MEMO1: variants seen among roughly 807,000 people sequenced by gnomAD.
MEMO1 encodes protein MEMO1.
A neutral mutation model predicts 45.2 loss-of-function variants in MEMO1; 6 were observed. The ratio of observed to expected loss-of-function variants is 0.13; its 90% confidence interval spans 0.07 to 0.26. The LOEUF (loss-of-function observed/expected upper bound fraction) is 0.26, where lower values mean the gene tolerates loss of function less well. Ranked by LOEUF, MEMO1 falls within the 10% of genes least tolerant of loss-of-function variation. The probability of loss-of-function intolerance (pLI) is 1.00; values close to 1 mark genes in which losing one functional copy is unlikely to be tolerated. For synonymous variants in MEMO1, 78 were observed against 124.3 expected, an observed-to-expected ratio of 0.63 and a Z score of 2.48; for missense variants, 184 against 370.5, an observed-to-expected ratio of 0.50 and a Z score of 4.13.
intron 6 of MEMO1, among the ~76,000 whole-genome samples, chr2:31,916,728 T>C (rs1471379883): frequency 6.6e-6 from 1 of 152,206 alleles, no homozygotes; most frequent in African/African-American, 2.4e-5. Flanking sequence ...ATATTGCTTA[T>C]AATGTAGTAT....
intron 2 of MEMO1, among the ~76,000 whole-genome samples, chr2:31,992,948 T>C (rs540158558): frequency 6.6e-6 from 1 of 151,744 alleles, no homozygotes; most frequent in East Asian, 1.9e-4. Context: ...AAAAAAATCA[T>C]CAGAAAATCA....
chr2:31,985,586 A>G lies in MEMO1; in HGVS notation c.61+24601T>C, dbSNP rs113358566. Among the ~76,000 whole-genome samples the G allele has an allele frequency of 6.4e-4, 97 of 152,214 alleles. 2 individuals carry two copies. The highest frequency in any genetic ancestry group is 2.0e-3 in the Admixed American group (30 of 15,274). On this transcript the variant is annotated intron_variant, in intron 2 of 9. Coordinates refer to ENST00000404530, the MANE Select transcript of MEMO1 (RefSeq NM_001301833.4). ...AGTGATCCAGCCACCTGGGCCTCCC[A>G]AAGTGCTGGGATTACAGGCGTGAGA...
intron 6 of MEMO1, among the ~76,000 whole-genome samples, chr2:31,902,116 T>C (rs1046947357): frequency 6.6e-6 from 1 of 151,790 alleles, no homozygotes; most frequent in Non-Finnish European, 1.5e-5. Flanking sequence ...ACCCCTAATC[T>C]TAAAAACAAA....
intron 2 of MEMO1, among the ~76,000 whole-genome samples, chr2:31,978,013 T>G (rs1320423956): frequency 6.6e-6 from 1 of 152,132 alleles, no homozygotes; most frequent in African/African-American, 2.4e-5. Context: ...AACTGCAGAG[T>G]CAGCTGGTTG....
At chr2:31,970,658 T>C (rs1422204376) in intron 2 of MEMO1, among the ~76,000 whole-genome samples, 2 of 149,276 alleles carry the variant, frequency 1.3e-5, no homozygotes, top group East Asian at 2.0e-4. Flanking sequence ...CACAAATGCA[T>C]ACACAAAACA....
chr2:31,913,517 GTTTTT>G (rs5830218), intron 6 of MEMO1, among the ~76,000 whole-genome samples: 1 of 136,018 alleles, frequency 7.4e-6, no homozygotes, highest in Non-Finnish European at 1.6e-5. Flanking sequence ...ATGATTAAGA[GTTTTT>G]TTTTTTTTTT....
chr2:31,933,483 T>C (rs1377505167), intron 3 of MEMO1, among the ~76,000 whole-genome samples: 1 of 150,522 alleles, frequency 6.6e-6, no homozygotes, highest in Non-Finnish European at 1.5e-5. Flanking sequence ...GTTCGTTTTC[T>C]TGATTGTGAT....
At chr2:31,936,818 T>C (rs1029552241) in intron 3 of MEMO1, among the ~76,000 whole-genome samples, 2 of 152,214 alleles carry the variant, frequency 1.3e-5, no homozygotes, top group African/African-American at 4.8e-5. Context: ...AATAAAGGAA[T>C]ACTTAACTAA....
intron 3 of MEMO1, among the ~76,000 whole-genome samples, chr2:31,934,903 G>A (rs758082318): frequency 1.3e-5 from 2 of 152,148 alleles, no homozygotes; most frequent in Non-Finnish European, 2.9e-5. Flanking sequence ...ATCAGTGCTG[G>A]TGGGCAAAGA....
chr2:31,874,910 C>T (rs1392182623), intron 8 of MEMO1, among the ~76,000 whole-genome samples: 1 of 136,552 alleles, frequency 7.3e-6, no homozygotes, highest in African/African-American at 2.6e-5. Flanking sequence ...TGCCTAACAG[C>T]AAGTGTACAT....
intron 2 of MEMO1, among the ~76,000 whole-genome samples, chr2:31,973,282 C>T (rs1303413731): frequency 2.0e-5 from 3 of 151,946 alleles, no homozygotes; most frequent in Non-Finnish European, 2.9e-5. Context: ...GGTGAAACCC[C>T]GTCTCTACTA....
At chr2:31,998,198 TG>T (rs1184138784) in intron 2 of MEMO1, among the ~76,000 whole-genome samples, 2 of 152,114 alleles carry the variant, frequency 1.3e-5, no homozygotes, top group Non-Finnish European at 2.9e-5. Context: ...TGTTATTTTT[TG>T]TAGAGACGGG....
chr2:31,968,533 T>C (rs1267403428), intron 2 of MEMO1, among the ~76,000 whole-genome samples: 2 of 152,216 alleles, frequency 1.3e-5, no homozygotes, highest in African/African-American at 4.8e-5. Context: ...AGTTAATTAA[T>C]GTGCAGCCTC....
At position 31,875,959 on chromosome 2, in the gene MEMO1, T is replaced by C. The variant is rs531263993; in HGVS notation, c.658-6007A>G. 2.6e-5 allele frequency among the ~76,000 whole-genome samples: 4 copies of C among 152,260 alleles called. No individual in the cohort carries two copies. In the East Asian group the frequency reaches 7.7e-4, roughly 29 times the overall value. Reference sequence around the variant, plus strand: ...GCCTCGGCCCCCCAAACTGCTGGGATTACAGGCATGAGCCACCGCCCCCAG... The same window carrying C: ...GCCTCGGCCCCCCAAACTGCTGGGACTACAGGCATGAGCCACCGCCCCCAG... On this transcript the variant is annotated intron_variant, in intron 8 of 9. Coordinates refer to ENST00000404530, the MANE Select transcript of MEMO1 (RefSeq NM_001301833.4).
At chr2:31,956,537 T>A (rs747162761) in intron 2 of MEMO1, among the ~76,000 whole-genome samples, 1 of 152,186 alleles carries the variant, frequency 6.6e-6, no homozygotes, top group Non-Finnish European at 1.5e-5. Context: ...GATGACACCA[T>A]GTAAAATGTG....
At chr2:31,870,268 T>G (rs1673501273) in intron 8 of MEMO1, among the ~76,000 whole-genome samples, 1 of 152,168 alleles carries the variant, frequency 6.6e-6, no homozygotes, top group African/African-American at 2.4e-5. Context: ...ATATTATATC[T>G]TTCTTCCATA....
At chr2:31,878,528 T>C (rs1288941178) in intron 8 of MEMO1, among the ~76,000 whole-genome samples, 1 of 152,052 alleles carries the variant, frequency 6.6e-6, no homozygotes, top group Non-Finnish European at 1.5e-5. Context: ...GTAGAACAGG[T>C]CTTGGTGGGA....
chr2:31,967,011 G>C (rs1205811000), intron 2 of MEMO1, among the ~76,000 whole-genome samples: 1 of 151,946 alleles, frequency 6.6e-6, no homozygotes, highest in African/African-American at 2.4e-5. Context: ...GACAGAAATA[G>C]TAATCCATAC....
intron 2 of MEMO1, among the ~76,000 whole-genome samples, chr2:31,991,253 G>C (rs1671907410): frequency 6.6e-6 from 1 of 152,160 alleles, no homozygotes; most frequent in Admixed American, 6.6e-5. Flanking sequence ...GCAGGAATGA[G>C]ACTTCTCAAT....
Sources: allele counts gnomAD v4.1 joint callset (sites outside exome capture counted in the v4.1 genomes callset), GRCh38; gene constraint gnomAD v4.1.1; transcripts MANE v1.5; gene names NCBI Gene and HGNC (gene_info 2026-07-23, HGNC 2026-07-21).